ARHGEF26: variants seen among roughly 807,000 people sequenced by gnomAD.
The protein encoded by ARHGEF26 is Rho guanine nucleotide exchange factor 26, also known as Rho guanine nucleotide exchange factor (GEF) 26.
ARHGEF26 carries 59 observed loss-of-function variants against 89.4 expected under a neutral mutation model. The ratio of observed to expected loss-of-function variants is 0.66; its 90% confidence interval spans 0.54 to 0.82. The LOEUF is 0.82. Ranked by LOEUF, ARHGEF26 falls within the 40% of genes least tolerant of loss-of-function variation. The probability of loss-of-function intolerance (pLI) is 0.00; values close to 1 mark genes in which losing one functional copy is unlikely to be tolerated. For missense variants in ARHGEF26, 1,234 were observed against 1,085.6 expected, an observed-to-expected ratio of 1.14 and a Z score of -1.92; for synonymous variants, 500 against 428.4, an observed-to-expected ratio of 1.17 and a Z score of -2.06.
At chr3:154,243,465 T>A (rs981263112) in intron 12 of ARHGEF26, among the ~76,000 whole-genome samples, 5 of 152,214 alleles carry the variant, frequency 3.3e-5, no homozygotes, top group African/African-American at 1.2e-4. Context: ...TGAACTGACA[T>A]GTCCAGCTTA....
rs1559906779 is a variant in ARHGEF26 at position 154,217,861 on chromosome 3, G to T, written c.1846-8G>T. ...CCTTTAACCCTCGTTACTCTTCTGT[G>T]TTCCCAGTTGGTTCGACTATGCAAT... is the stretch of plus-strand genomic sequence containing the variant. On this transcript the variant is annotated splice_region_variant and splice_polypyrimidine_tract_variant and intron_variant, in intron 9 of 14. Coordinates refer to ENST00000465093, the MANE Select transcript of ARHGEF26 (RefSeq NM_015595.4). 4.4e-6 allele frequency: 7 copies of T among 1,587,976 alleles called. No homozygotes were observed. The highest frequency in any genetic ancestry group is 1.2e-5 in the South Asian group (1 of 86,692).
At chr3:154,169,627 T>G (rs1336191125) in intron 6 of ARHGEF26, among the ~76,000 whole-genome samples, 2 of 152,186 alleles carry the variant, frequency 1.3e-5, no homozygotes, top group Non-Finnish European at 2.9e-5. Flanking sequence ...AAGCTCATAG[T>G]GCTATTGTAA....
chr3:154,189,627 G>A (rs148960226), intron 7 of ARHGEF26, among the ~76,000 whole-genome samples: 12 of 152,168 alleles, frequency 7.9e-5, no homozygotes, highest in African/African-American at 2.9e-4. Flanking sequence ...GTAAGCCACT[G>A]CGCCCAGCCC....
intron 6 of ARHGEF26, among the ~76,000 whole-genome samples, chr3:154,184,074 G>A (rs896779821): frequency 1.3e-5 from 2 of 151,178 alleles, no homozygotes; most frequent in Non-Finnish European, 2.9e-5. Flanking sequence ...CTGGGTTCAC[G>A]CCATTCTCCT....
chr3:154,208,346 C>T (rs1312994747), intron 9 of ARHGEF26, among the ~76,000 whole-genome samples: 1 of 152,128 alleles, frequency 6.6e-6, no homozygotes, highest in Non-Finnish European at 1.5e-5. Flanking sequence ...CTATCCTCAG[C>T]CTCTTGCTGC....
intron 9 of ARHGEF26, among the ~76,000 whole-genome samples, chr3:154,204,537 G>A (rs115658971): frequency 6.6e-6 from 1 of 151,592 alleles, no homozygotes; most frequent in African/African-American, 2.4e-5. Context: ...CACCATGTTG[G>A]CAGGCTGATC....
intron 7 of ARHGEF26, among the ~76,000 whole-genome samples, chr3:154,189,334 A>ATTTTTTT (rs35633646): frequency 4.5e-5 from 5 of 112,282 alleles, no homozygotes; most frequent in Admixed American, 1.0e-4. Context: ...AGTTGATGTG[A>ATTTTTTT]TTTTTTTTTT....
chr3:154,165,206 T>C (rs1711938656), intron 6 of ARHGEF26, among the ~76,000 whole-genome samples: 1 of 152,174 alleles, frequency 6.6e-6, no homozygotes, highest in Non-Finnish European at 1.5e-5. Flanking sequence ...TTGACTTATT[T>C]TTTAATCCTT....
intron 12 of ARHGEF26, among the ~76,000 whole-genome samples, chr3:154,251,127 G>A (rs1349537128): frequency 5.3e-5 from 8 of 152,072 alleles, no homozygotes; most frequent in African/African-American, 1.9e-4. Context: ...CACCCTTCCT[G>A]CCTTCCATCA....
At chr3:154,197,036 A>G in intron 9 of ARHGEF26, among the ~76,000 whole-genome samples, 1 of 152,118 alleles carries the variant, frequency 6.6e-6, no homozygotes, top group East Asian at 1.9e-4. Context: ...TCTCTTGTTC[A>G]CTTGATTTCA....
chr3:154,156,204 C>G (rs1423681650), intron 6 of ARHGEF26, among the ~76,000 whole-genome samples: 1 of 152,048 alleles, frequency 6.6e-6, no homozygotes, highest in Non-Finnish European at 1.5e-5. Flanking sequence ...GGGGAGGTCA[C>G]TGGATATGGC....
intron 4 of ARHGEF26, among the ~76,000 whole-genome samples, chr3:154,137,472 G>A (rs909764768): frequency 6.6e-6 from 1 of 152,234 alleles, no homozygotes; most frequent in Admixed American, 6.5e-5. Context: ...GTATTCTGTT[G>A]TAAGCACCCC....
chr3:154,252,487 G>A (rs1460965584), intron 12 of ARHGEF26, among the ~76,000 whole-genome samples: 2 of 152,100 alleles, frequency 1.3e-5, no homozygotes, highest in African/African-American at 4.8e-5. Context: ...TCCTTTAGTT[G>A]AATAATTATT....
In ARHGEF26 at chr3:154,191,333, C is replaced by T. The variant is rs1235617939; in HGVS notation, c.1685C>T (p.Ser562Phe). ...AAGGAAGTATTGTCAAGGATTGAGT[C>T]CCATGAAGACTGTAGGAACTTACCC... ...SFKEVLSRIESHEDCRNLPMI... is the reference protein window; with the variant it reads ...SFKEVLSRIEFHEDCRNLPMI... Residue 562 changes from serine (S) to phenylalanine (F), a missense_variant, in exon 8 of 15, where the codon TCC becomes TTC. Ser to Phe is a radical substitution (Grantham distance 155). Transcript: ENST00000465093. The T allele has an allele frequency of 1.9e-6, 3 of 1,613,352 alleles. No homozygotes were observed. The highest frequency in any genetic ancestry group is 2.2e-5 in the East Asian group (1 of 44,874).
At chr3:154,239,291 AGAGAGAGAGT>A (rs1338573892) in intron 11 of ARHGEF26, among the ~76,000 whole-genome samples, 14 of 61,886 alleles carry the variant, frequency 2.3e-4, no homozygotes, top group African/African-American at 6.5e-4. Flanking sequence ...AGAGAGAGAG[AGAGAGAGAGT>A]GTGTGTGTGT....
intron 8 of ARHGEF26, among the ~76,000 whole-genome samples, chr3:154,192,207 C>G (rs796203653): frequency 1.2e-4 from 18 of 152,156 alleles, no homozygotes; most frequent in African/African-American, 4.3e-4. Context: ...TATGATTTTC[C>G]TACTTTAAAA....
intron 6 of ARHGEF26, among the ~76,000 whole-genome samples, chr3:154,171,359 T>C (rs760135723): frequency 1.3e-5 from 2 of 152,204 alleles, no homozygotes; most frequent in Non-Finnish European, 2.9e-5. Context: ...TGAAGCTACA[T>C]TGACACATCA....
At chr3:154,157,737 G>T (rs1711499474) in intron 6 of ARHGEF26, among the ~76,000 whole-genome samples, 1 of 152,104 alleles carries the variant, frequency 6.6e-6, no homozygotes, top group Non-Finnish European at 1.5e-5. Context: ...ACTATCATTG[G>T]AAATTGTATT....
chr3:154,199,028 C>G (rs1322610559), intron 9 of ARHGEF26, among the ~76,000 whole-genome samples: 1 of 151,966 alleles, frequency 6.6e-6, no homozygotes, highest in African/African-American at 2.4e-5. Flanking sequence ...AATGGGGTAT[C>G]CATCCCCTCA....
Sources: allele counts gnomAD v4.1 joint callset (sites outside exome capture counted in the v4.1 genomes callset), GRCh38; gene constraint gnomAD v4.1.1; transcripts MANE v1.5; gene names NCBI Gene and HGNC (gene_info 2026-07-23, HGNC 2026-07-21).